Variants in MAST1 observed in about 807,000 individuals in gnomAD.
MAST1 encodes microtubule associated serine/threonine kinase 1.
A neutral mutation model predicts 124.6 loss-of-function variants in MAST1; 40 were observed. That is an observed-to-expected ratio of 0.32 (90% CI 0.25 to 0.42). MAST1 has a LOEUF of 0.42. Ranked by LOEUF, MAST1 falls within the 10% of genes least tolerant of loss-of-function variation. The pLI is 1.00. For missense variants in MAST1, 1,558 were observed against 2,181.9 expected, an observed-to-expected ratio of 0.71 and a Z score of 5.70; for synonymous variants, 938 against 939.4, an observed-to-expected ratio of 1.00 and a Z score of 0.03.
At chr19:12,853,196 C>A (rs1225868801) in intron 10 of MAST1, among the ~76,000 whole-genome samples, 2 of 151,708 alleles carry the variant, frequency 1.3e-5, no homozygotes, top group Non-Finnish European at 2.9e-5. Context: ...GTTGCAAACT[C>A]CCAATCTCAG....
At chr19:12,849,518 G>T (rs1969935704) in intron 7 of MAST1, among the ~76,000 whole-genome samples, 1 of 151,944 alleles carries the variant, frequency 6.6e-6, no homozygotes, top group African/African-American at 2.4e-5. Flanking sequence ...AAAAAAGTTA[G>T]CCGGGCTTGG....
In MAST1 at chr19:12,867,658, C is replaced by T. The variant is rs368832327; in HGVS notation, c.2318+6C>T. The T allele has an allele frequency of 3.7e-4, 578 of 1,577,066 alleles. 1 individual carries two copies. The highest frequency in any genetic ancestry group is 3.8e-4 in the Non-Finnish European group (440 of 1,162,038). On this transcript the variant is annotated splice_donor_region_variant and intron_variant, in intron 19 of 25. Transcript: ENST00000251472. ...AGAGGGGGCTCTCCGGAGATGTGAGCAGGGGAATGGCGGAGTTTGGGGGCG... is the reference window on the plus strand; with the variant it reads ...AGAGGGGGCTCTCCGGAGATGTGAGTAGGGGAATGGCGGAGTTTGGGGGCG...
intron 11 of MAST1, 44 bp from the exon 12 acceptor site, chr19:12,858,487 G>C (rs1187726301): frequency 6.2e-7 from 1 of 1,611,930 alleles, no homozygotes; most frequent in Non-Finnish European, 8.5e-7. Flanking sequence ...CGGAGGCCGG[G>C]TGTCTCGGAG....
At chr19:12,839,615 C>T (rs1969802528) in intron 1 of MAST1, among the ~76,000 whole-genome samples, 1 of 152,212 alleles carries the variant, frequency 6.6e-6, no homozygotes, top group Admixed American at 6.5e-5. Context: ...GACACAGTGT[C>T]ACAAGATGTT....
rs145670944 is a variant in MAST1, at chr19:12,859,051, T to TTTTA, written c.1366+331_1366+334dup. ...TCCATCCATACATCCATGAACCTGT[T>TTTTA]TTTATTTATTTATTTATTTATTCAT... On this transcript the variant is annotated intron_variant, in intron 12 of 25. Transcript: ENST00000251472. The TTTTA allele has an allele frequency of 3.6e-4, 148 of 415,152 alleles. 1 individual carries two copies. Among genetic ancestry groups the TTTTA allele is most frequent in the East Asian group, 2.0e-3 (56 of 27,478 alleles). The allele number at this position is 415,152 out of a possible 1,614,324, so 25.7% of individuals were successfully genotyped here.
intron 22 of MAST1, 140 bp downstream of exon 22, chr19:12,869,435 T>G: frequency 7.3e-6 from 5 of 689,316 alleles, no homozygotes; most frequent in Non-Finnish European, 1.2e-5. Flanking sequence ...GTTTCTTTTT[T>G]CTTTTACTTT....
chr19:12,849,450 T>A (rs1410798981), intron 7 of MAST1, among the ~76,000 whole-genome samples: 4 of 152,022 alleles, frequency 2.6e-5, no homozygotes, highest in Non-Finnish European at 5.9e-5. Flanking sequence ...GATCACGAGG[T>A]CAGGAGTTTG....
At chr19:12,839,120 G>A (rs1277595896) in intron 1 of MAST1, among the ~76,000 whole-genome samples, 1 of 148,542 alleles carries the variant, frequency 6.7e-6, no homozygotes, top group Non-Finnish European at 1.5e-5. Flanking sequence ...TGGATGCTGA[G>A]GGGTAGAAAA....
At chr19:12,854,775 C>G (rs76950750) in intron 10 of MAST1, among the ~76,000 whole-genome samples, 2 of 152,100 alleles carry the variant, frequency 1.3e-5, no homozygotes, top group South Asian at 4.1e-4. Flanking sequence ...CATGGGCTTT[C>G]GAGCAAGCTA....
At chr19:12,860,120 C>G (rs1376799907) in intron 12 of MAST1, among the ~76,000 whole-genome samples, 1 of 151,538 alleles carries the variant, frequency 6.6e-6, no homozygotes, top group African/African-American at 2.4e-5. Context: ...ACCTATTTTT[C>G]TTTTTTTTGG....
chr19:12,873,342 C>G lies in MAST1; in HGVS notation c.3282C>G (p.Leu1094=). Residue 1094 remains leucine, a synonymous_variant, in exon 25 of 26, where the codon CTC becomes CTG. Transcript: ENST00000251472. ...CCCGCAGCAAGAAGCGCAGCTCCCT[C>G]TTCCGGAAGATCACGAAGCAGTCGA... is the stretch of plus-strand genomic sequence containing the variant. The part of the protein sequence containing the change: ...EGQESKKRSS[L]FRKITKQSNL... 1 of 1,613,482 alleles carries G rather than the reference C, an allele frequency of 6.2e-7. No individual in the cohort carries two copies. The highest frequency in any genetic ancestry group is 8.5e-7 in the Non-Finnish European group (1 of 1,179,506).
chr19:12,858,621 C>G lies in MAST1; in HGVS notation c.1248C>G (p.Ile416Met). 1 of 1,614,248 alleles carries G rather than the reference C, an allele frequency of 6.2e-7. No individual in the cohort carries two copies. Among genetic ancestry groups the G allele is most frequent in the Non-Finnish European group, 8.5e-7 (1 of 1,180,050 alleles). Reference protein sequence around the residue: ...NKQNLILRNQIQQAFVERDIL... With the variant: ...NKQNLILRNQMQQAFVERDIL... Reference sequence around the variant, plus strand: ...AGAACTTGATCCTCCGCAACCAGATCCAGCAGGCCTTTGTGGAGCGCGATA... The same window carrying G: ...AGAACTTGATCCTCCGCAACCAGATGCAGCAGGCCTTTGTGGAGCGCGATA... The change falls in exon 12 of 26, where the codon ATC (isoleucine) becomes ATG (methionine). Residue 416 changes from isoleucine to methionine, a missense_variant. Transcript: ENST00000251472.
At chr19:12,869,443 T>A in intron 22 of MAST1, 148 bp downstream of exon 22, 1 of 671,168 alleles carries the variant, frequency 1.5e-6, no homozygotes, top group Non-Finnish European at 2.5e-6. Context: ...TTTCTTTTAC[T>A]TTTTTATTTT....
At chr19:12,845,879 G>A (rs2900661) in intron 4 of MAST1, among the ~76,000 whole-genome samples, 1 of 151,842 alleles carries the variant, frequency 6.6e-6, no homozygotes, top group South Asian at 2.1e-4. Context: ...GGCTGGTCTA[G>A]AACTCCTGAC....
intron 12 of MAST1, among the ~76,000 whole-genome samples, chr19:12,864,368 TG>T (rs1455399756): frequency 2.1e-5 from 3 of 143,182 alleles, no homozygotes; most frequent in African/African-American, 7.8e-5. Context: ...CACTCTAGAC[TG>T]GGCAATGGAG....
At position 12,865,094 on chromosome 19, in the gene MAST1, C is replaced by T. The variant is rs1217283204; in HGVS notation, c.1554C>T (p.Leu518=). The T allele has an allele frequency of 6.2e-7, 1 of 1,614,130 alleles. No individual in the cohort carries two copies. The highest frequency in any genetic ancestry group is 1.1e-5 in the South Asian group (1 of 91,086). The change falls in exon 14 of 26, where the codon CTC becomes CTT. Residue 518 remains leucine, a synonymous_variant. Transcript: ENST00000251472. The surrounding 1 kb of genome is among the most constrained non-coding windows in gnomAD (Gnocchi z 7.1). ...MGHIKLTDFG[L]SKMGLMSLTT... is the part of the protein sequence containing the mutation. Reference sequence around the variant, plus strand: ...ACATCAAGCTCACAGATTTCGGCCTCTCCAAGATGGGGCTCATGAGCCTCA... The same window carrying T: ...ACATCAAGCTCACAGATTTCGGCCTTTCCAAGATGGGGCTCATGAGCCTCA...
intron 24 of MAST1, among the ~76,000 whole-genome samples, chr19:12,871,605 T>TCAAA (rs542155087): frequency 0.014 from 2,169 of 150,688 alleles, 42 homozygotes; most frequent in African/African-American, 0.042. Flanking sequence ...AGACTCCATC[T>TCAAA]CAAACAAACA....
intron 10 of MAST1, 54 bp from the exon 11 acceptor site, chr19:12,858,308 G>C: frequency 6.9e-7 from 1 of 1,448,784 alleles, no homozygotes; most frequent in South Asian, 1.2e-5. Flanking sequence ...GAAATTAAAA[G>C]CATCCTGCTC....
At chr19:12,854,949 G>A (rs1003547201) in intron 10 of MAST1, among the ~76,000 whole-genome samples, 2 of 152,110 alleles carry the variant, frequency 1.3e-5, no homozygotes, top group Admixed American at 6.5e-5. Flanking sequence ...CAAAAATTTG[G>A]GCTGGGCCTG....
Sources: gnomAD v4.1 joint callset for allele counts (sites outside exome capture counted in the v4.1 genomes callset) on GRCh38, gnomAD v4.1.1 for gene constraint, Gnocchi (gnomAD v3.1) non-coding constraint, MANE v1.5 for transcripts, NCBI Gene and HGNC (gene_info 2026-07-23, HGNC 2026-07-21) for gene names.